Variants in SPPL2A observed in about 807,000 individuals in gnomAD.
SPPL2A encodes the protein signal peptide peptidase like 2A.
A neutral mutation model predicts 63.8 loss-of-function variants in SPPL2A; 51 were observed. That is an observed-to-expected ratio of 0.80 (90% CI 0.64 to 1.01). SPPL2A has a LOEUF of 1.01. Ranked by LOEUF, SPPL2A falls within the 50% of genes least tolerant of loss-of-function variation. SPPL2A has a pLI of 0.00. For missense variants in SPPL2A, 553 were observed against 622.7 expected (o/e 0.89, Z 1.19); for synonymous variants, 188 against 205.8 (o/e 0.91, Z 0.74).
At chr15:50,717,834 C>A (rs1164016171) in intron 14 of SPPL2A, among the ~76,000 whole-genome samples, 1 of 152,162 alleles carries the variant, frequency 6.6e-6, no homozygotes, top group African/African-American at 2.4e-5. Flanking sequence ...CCCAAATCAC[C>A]TAGGACTCTT....
At chr15:50,710,501 AAT>A (rs1327173213) in intron 14 of SPPL2A, among the ~76,000 whole-genome samples, 1 of 152,234 alleles carries the variant, frequency 6.6e-6, no homozygotes, top group Non-Finnish European at 1.5e-5. Flanking sequence ...AGTTTTAAAA[AAT>A]ATGACAATAA....
intron 3 of SPPL2A, among the ~76,000 whole-genome samples, 188 bp from the exon 4 acceptor site, chr15:50,748,390 T>C (rs1390022436): frequency 2.0e-5 from 3 of 151,606 alleles, no homozygotes; most frequent in Admixed American, 1.3e-4. Context: ...ATAAATGCTA[T>C]AATATATATA....
chr15:50,740,703 C>T (rs1411521150), intron 5 of SPPL2A, among the ~76,000 whole-genome samples: 2 of 151,770 alleles, frequency 1.3e-5, no homozygotes, highest in African/African-American at 4.8e-5. Context: ...CTCTGCCTCC[C>T]AGGTTCAAGC....
intron 10 of SPPL2A, among the ~76,000 whole-genome samples, chr15:50,727,652 C>T (rs1413901795): frequency 6.6e-6 from 1 of 152,148 alleles, no homozygotes; most frequent in Non-Finnish European, 1.5e-5. Flanking sequence ...TATTGCTGTA[C>T]TCTTATGGTG....
chr15:50,733,129 C>A (rs993580899), intron 8 of SPPL2A, among the ~76,000 whole-genome samples: 2 of 152,164 alleles, frequency 1.3e-5, no homozygotes, highest in African/African-American at 4.8e-5. Flanking sequence ...TAACACGTCT[C>A]GCTCTAGAAA....
At chr15:50,760,877 T>A (rs1196142116) in intron 1 of SPPL2A, among the ~76,000 whole-genome samples, 1 of 152,124 alleles carries the variant, frequency 6.6e-6, no homozygotes, top group African/African-American at 2.4e-5. Context: ...GGAAGGCAAA[T>A]TTTCAGCAAC....
At chr15:50,765,022 G>A (rs923640593) in intron 1 of SPPL2A, among the ~76,000 whole-genome samples, 1 of 152,002 alleles carries the variant, frequency 6.6e-6, no homozygotes, top group Non-Finnish European at 1.5e-5. Context: ...CAATTAAAGT[G>A]CAGTCCTCGA....
At chr15:50,733,709 C>T (rs534604592) in intron 8 of SPPL2A, among the ~76,000 whole-genome samples, 1 of 151,780 alleles carries the variant, frequency 6.6e-6, no homozygotes, top group Non-Finnish European at 1.5e-5. Context: ...AAGGAAAAAT[C>T]AAGAAAGTGA....
At chr15:50,721,988 C>T (rs916335142) in intron 13 of SPPL2A, 136 bp downstream of exon 13, 1 of 571,004 alleles carries the variant, frequency 1.8e-6, no homozygotes, top group South Asian at 2.2e-5. Context: ...ATCTGCCTGC[C>T]TTGGCCCCCA....
chr15:50,708,484 G>C (rs2062529932), intron 14 of SPPL2A, among the ~76,000 whole-genome samples: 1 of 152,054 alleles, frequency 6.6e-6, no homozygotes. Context: ...GAGATGGGCA[G>C]ATCATGAGGT....
chr15:50,712,679 C>CCCCCCT (rs35199045), intron 14 of SPPL2A, among the ~76,000 whole-genome samples: 20 of 102,942 alleles, frequency 1.9e-4, no homozygotes, highest in Non-Finnish European at 3.0e-4. Flanking sequence ...CTCCCCCCCC[C>CCCCCCT]TTTTTTTTTT....
intron 1 of SPPL2A, among the ~76,000 whole-genome samples, chr15:50,756,053 A>C (rs2062954823): frequency 6.6e-6 from 1 of 152,066 alleles, no homozygotes; most frequent in African/African-American, 2.4e-5. Context: ...AAACATACAG[A>C]AAATGGGCTT....
chr15:50,764,307 T>TA (rs1057452386), intron 1 of SPPL2A, among the ~76,000 whole-genome samples: 2 of 152,230 alleles, frequency 1.3e-5, no homozygotes, highest in African/African-American at 4.8e-5. Flanking sequence ...GTAAACACCT[T>TA]AAAGACTCCG....
Position 50,732,692 on chromosome 15 carries a change from C to A in SPPL2A, c.933-8G>T, listed in dbSNP as rs758980381. 3.7e-5 allele frequency: 58 copies of A among 1,552,374 alleles called. No homozygotes were observed. The highest frequency in any genetic ancestry group is 7.9e-5 in the South Asian group (7 of 88,644). On this transcript the variant is annotated splice_region_variant and splice_polypyrimidine_tract_variant and intron_variant, in intron 8 of 14. Coordinates refer to ENST00000261854, the MANE Select transcript of SPPL2A (RefSeq NM_032802.4). ...TGTAAAATCCAAGCCCACCTAAAAT[C>A]AAAAAATATTACTCTATTGCTTTAT...
intron 1 of SPPL2A, among the ~76,000 whole-genome samples, chr15:50,760,415 C>T (rs981076374): frequency 1.3e-5 from 2 of 152,148 alleles, no homozygotes; most frequent in African/African-American, 2.4e-5. Context: ...CACCCACCAC[C>T]GTGCCCAGCT....
At position 50,713,772 on chromosome 15, in the gene SPPL2A, T is replaced by A. The variant is rs141552312; in HGVS notation, c.1489-5898A>T. ...TTAACAAAAACCCAAAGTTTTCATATCCAGACCAGGAAAATGAAAATTTAG... is the reference window on the plus strand; with the variant it reads ...TTAACAAAAACCCAAAGTTTTCATAACCAGACCAGGAAAATGAAAATTTAG... On this transcript the variant is annotated intron_variant, in intron 14 of 14. Coordinates refer to ENST00000261854, the MANE Select transcript of SPPL2A (RefSeq NM_032802.4). 2.4e-3 allele frequency among the ~76,000 whole-genome samples: 358 copies of A among 152,172 alleles called. 3 individuals are homozygous for A. The highest frequency in any genetic ancestry group is 0.018 in the Admixed American group (276 of 15,266).
chr15:50,747,359 G>T (rs2062866043), intron 5 of SPPL2A, 136 bp downstream of exon 5: 2 of 712,122 alleles, frequency 2.8e-6, no homozygotes, highest in Admixed American at 5.5e-5. Flanking sequence ...ATCTACATGA[G>T]GACAAACCTG....
rs1252345732 is a variant in SPPL2A, at chr15:50,736,176, T to G, written c.857A>C (p.Glu286Ala). ...TCCAGAGAGAAAAATAAGTCTCACTTCCATGTTTTTGCCACGACATGCAAT... is the reference window on the plus strand; with the variant it reads ...TCCAGAGAGAAAAATAAGTCTCACTGCCATGTTTTTGCCACGACATGCAAT... Reference protein sequence around the residue: ...CTIACRGKNMEVRLIFLSGLC... With the variant: ...CTIACRGKNMAVRLIFLSGLC... Residue 286 changes from glutamate to alanine, a missense_variant, in exon 8 of 15, where the codon GAA (glutamate) becomes GCA (alanine). Physicochemically the swap from Glu to Ala is moderately radical, Grantham distance 107. Transcript: ENST00000261854. 3.7e-6 allele frequency: 6 copies of G among 1,612,734 alleles called. No homozygotes were observed. The South Asian group carries it at 5.5e-5, about 15-fold the overall frequency.
chr15:50,743,484 T>C (rs1362546505), intron 5 of SPPL2A, among the ~76,000 whole-genome samples: 2 of 151,968 alleles, frequency 1.3e-5, no homozygotes, highest in African/African-American at 4.8e-5. Flanking sequence ...TAGCTAGGAC[T>C]ATAGGTTCAT....
Sources: allele counts gnomAD v4.1 joint callset (sites outside exome capture counted in the v4.1 genomes callset), GRCh38; gene constraint gnomAD v4.1.1; transcripts MANE v1.5; gene names NCBI Gene and HGNC (gene_info 2026-07-23, HGNC 2026-07-21).